The following TMTC2 variants were observed in gnomAD, a reference collection of about 807,000 sequenced individuals.
TMTC2 encodes the protein transmembrane O-mannosyltransferase targeting cadherins 2, also known as protein O-mannosyl-transferase TMTC2.
A neutral mutation model predicts 82.4 loss-of-function variants in TMTC2; 43 were observed. That is an observed-to-expected ratio of 0.52 (90% confidence interval 0.41 to 0.67). The LOEUF is 0.67. Ranked by LOEUF, TMTC2 falls within the 30% of genes least tolerant of loss-of-function variation. TMTC2 has a pLI of 0.00. For synonymous variants in TMTC2, 408 were observed against 381.9 expected (o/e 1.07, Z -0.80); for missense variants, 919 against 1,012.4 (o/e 0.91, Z 1.25).
At chr12:83,011,435 T>C (rs1313412957) in intron 8 of TMTC2, among the ~76,000 whole-genome samples, 1 of 152,220 alleles carries the variant, frequency 6.6e-6, no homozygotes. Flanking sequence ...CAATGTCTGG[T>C]CAACATATTG....
intron 4 of TMTC2, among the ~76,000 whole-genome samples, chr12:82,934,808 C>A (rs187905463): frequency 6.6e-6 from 1 of 152,288 alleles, no homozygotes; most frequent in African/African-American, 2.4e-5. Context: ...CTGTCTTCCA[C>A]AGTGTTTGAA....
intron 4 of TMTC2, among the ~76,000 whole-genome samples, chr12:82,949,174 T>C (rs1292829553): frequency 6.6e-6 from 1 of 152,202 alleles, no homozygotes; most frequent in Non-Finnish European, 1.5e-5. Flanking sequence ...CTGATAGGTG[T>C]TTCTTCTCCA....
intron 11 of TMTC2, among the ~76,000 whole-genome samples, chr12:83,122,216 G>A (rs558424925): frequency 3.9e-5 from 6 of 151,924 alleles, no homozygotes; most frequent in African/African-American, 1.4e-4. Context: ...TGGGCAGGCA[G>A]GGCTGAGAAC....
chr12:83,011,524 A>G (rs1278610949), intron 8 of TMTC2, among the ~76,000 whole-genome samples: 1 of 152,204 alleles, frequency 6.6e-6, no homozygotes. Flanking sequence ...TTTGTATGGC[A>G]TGGAACATTG....
intron 11 of TMTC2, among the ~76,000 whole-genome samples, chr12:83,126,810 T>TC (rs1407955256): frequency 6.6e-6 from 1 of 152,106 alleles, no homozygotes; most frequent in Non-Finnish European, 1.5e-5. Context: ...CTTTTTTTTT[T>TC]CCTGAAGCTT....
At chr12:83,013,902 T>C (rs980793936) in intron 8 of TMTC2, among the ~76,000 whole-genome samples, 1 of 152,204 alleles carries the variant, frequency 6.6e-6, no homozygotes, top group Admixed American at 6.5e-5. Flanking sequence ...AGGTGGGCGA[T>C]GTATTCTTAA....
rs550848123 is a variant in TMTC2 at position 82,845,547 on chromosome 12, A to C, written c.84-11463A>C. On this transcript the variant is annotated intron_variant, in intron 1 of 11. Transcript: ENST00000321196. ...TAATTTCAAATCTGGAAAATTAGAAACAAGTTATTTTCATTAAGCTTTTAA... is the reference window on the plus strand; with the variant it reads ...TAATTTCAAATCTGGAAAATTAGAACCAAGTTATTTTCATTAAGCTTTTAA... 6.1e-4 allele frequency among the ~76,000 whole-genome samples: 93 copies of C among 152,142 alleles called. 1 individual carries two copies. The highest frequency in any genetic ancestry group is 2.2e-3 in the African/African-American group (93 of 41,472).
chr12:83,117,965 A>G (rs1390555370), intron 11 of TMTC2, among the ~76,000 whole-genome samples: 1 of 151,624 alleles, frequency 6.6e-6, no homozygotes, highest in Non-Finnish European at 1.5e-5. Context: ...TTTGATTCTC[A>G]GCTTGGTCAC....
intron 11 of TMTC2, among the ~76,000 whole-genome samples, chr12:83,125,064 T>C (rs1885062522): frequency 1.3e-5 from 2 of 152,208 alleles, no homozygotes; most frequent in South Asian, 4.1e-4. Flanking sequence ...AGAAAGGCTA[T>C]AAAGGTTATT....
intron 1 of TMTC2, among the ~76,000 whole-genome samples, chr12:82,774,891 A>G (rs1592511419): frequency 6.6e-6 from 1 of 151,984 alleles, no homozygotes; most frequent in South Asian, 2.1e-4. Context: ...ACCAGCTGAC[A>G]GGGAGGGTGA....
chr12:82,742,889 C>T (rs1008550311), intron 1 of TMTC2, among the ~76,000 whole-genome samples: 39 of 152,296 alleles, frequency 2.6e-4, no homozygotes, highest in Admixed American at 1.1e-3. Flanking sequence ...CACCATTTCA[C>T]CAAGGTCATA....
intron 8 of TMTC2, among the ~76,000 whole-genome samples, chr12:82,997,221 C>CTCTCTCTCTCTCTCTATATATATA (rs1451262969): frequency 1.2e-4 from 14 of 118,548 alleles, no homozygotes; most frequent in African/African-American, 4.4e-4. Flanking sequence ...CTCTCTCTCT[C>CTCTCTCTCTCTCTCTATATATATA]TATATATATA....
intron 8 of TMTC2, among the ~76,000 whole-genome samples, chr12:83,018,003 C>T (rs1328913198): frequency 7.2e-6 from 1 of 138,676 alleles, no homozygotes; most frequent in Non-Finnish European, 1.5e-5. Flanking sequence ...GAAGCTTCCT[C>T]ATATATATAA....
chr12:83,055,476 G>A (rs1882503350), intron 10 of TMTC2, among the ~76,000 whole-genome samples: 1 of 151,924 alleles, frequency 6.6e-6, no homozygotes. Flanking sequence ...GGAAAATAAA[G>A]GAATTTAAAA....
chr12:83,000,607 G>A (rs1020235513), intron 8 of TMTC2, among the ~76,000 whole-genome samples: 1 of 152,178 alleles, frequency 6.6e-6, no homozygotes, highest in Non-Finnish European at 1.5e-5. Flanking sequence ...TGTGTCTGTG[G>A]CCTTTCCAGG....
chr12:82,784,093 C>G (rs1302550337), intron 1 of TMTC2, among the ~76,000 whole-genome samples: 1 of 151,684 alleles, frequency 6.6e-6, no homozygotes, highest in African/African-American at 2.4e-5. Flanking sequence ...TTAACCAGTT[C>G]ACATCATCAT....
intron 3 of TMTC2, among the ~76,000 whole-genome samples, chr12:82,910,698 C>G (rs980003877): frequency 1.3e-5 from 2 of 152,138 alleles, no homozygotes; most frequent in Admixed American, 1.3e-4. Flanking sequence ...GGCTGCTCCC[C>G]AGCCTGGGCT....
chr12:82,688,769 G>A (rs922992634), intron 1 of TMTC2, among the ~76,000 whole-genome samples: 9 of 152,140 alleles, frequency 5.9e-5, no homozygotes, highest in African/African-American at 2.2e-4. Flanking sequence ...AAAGTGAATG[G>A]ATCCCCAGGG....
intron 3 of TMTC2, among the ~76,000 whole-genome samples, chr12:82,914,590 C>G (rs1874885109): frequency 6.6e-6 from 1 of 151,784 alleles, no homozygotes; most frequent in South Asian, 2.1e-4. Context: ...TTTTGTTGCC[C>G]TGGATTTGGT....
Sources: allele counts gnomAD v4.1 joint callset (sites outside exome capture counted in the v4.1 genomes callset), GRCh38; gene constraint gnomAD v4.1.1; transcripts MANE v1.5; gene names NCBI Gene and HGNC (gene_info 2026-07-23, HGNC 2026-07-21).